The following DAPK2 variants were observed in gnomAD, a reference collection of about 807,000 sequenced individuals.
DAPK2 encodes death-associated protein kinase 2.
In DAPK2, 35 loss-of-function variants were observed where a neutral mutation model predicts 44.1. The ratio of observed to expected loss-of-function variants is 0.79; its 90% CI spans 0.61 to 1.05. DAPK2 has a LOEUF of 1.05. DAPK2 is among the 50% of genes least tolerant of loss of function. DAPK2 has a pLI of 0.00. For missense variants in DAPK2, 453 were observed against 483.2 expected, an observed-to-expected ratio of 0.94 and a Z score of 0.59; for synonymous variants, 174 against 182.6, an observed-to-expected ratio of 0.95 and a Z score of 0.38.
At chr15:63,967,187 T>A (rs1239820417) in intron 3 of DAPK2, among the ~76,000 whole-genome samples, 1 of 151,196 alleles carries the variant, frequency 6.6e-6, no homozygotes, top group Non-Finnish European at 1.5e-5. Context: ...CTCAAAAAAA[T>A]AAATAAATAA....
chr15:63,950,892 A>T (rs957334115), intron 3 of DAPK2, among the ~76,000 whole-genome samples: 1 of 152,240 alleles, frequency 6.6e-6, no homozygotes, highest in African/African-American at 2.4e-5. Flanking sequence ...TTCCACACAC[A>T]TTTGAAGTAT....
At chr15:63,960,703 G>T (rs1322956066) in intron 3 of DAPK2, among the ~76,000 whole-genome samples, 1 of 152,212 alleles carries the variant, frequency 6.6e-6, no homozygotes, top group Non-Finnish European at 1.5e-5. Context: ...TGATTGCACT[G>T]TGGTCTGAGA....
In DAPK2 at chr15:64,020,403, A is replaced by C. The variant is rs2079649749; in HGVS notation, c.92+19767T>G. Among the ~76,000 whole-genome samples, 1 of 152,242 alleles carries C rather than the reference A, an allele frequency of 6.6e-6. No individual in the cohort carries two copies. The highest frequency in any genetic ancestry group is 2.4e-5 in the African/African-American group (1 of 41,468). On this transcript the variant is annotated intron_variant, in intron 1 of 10. Transcript: ENST00000261891. The surrounding 1 kb of genome is among the most constrained non-coding windows in gnomAD (Gnocchi z 4.5). ...CTTGCTCTGAAATGGTCAATTTCAC[A>C]GGGGTCTTCCCCAAGAGTGGCATGT...
exon 2 of DAPK2, chr15:63,983,616 G>T: frequency 1.2e-6 from 2 of 1,614,184 alleles, no homozygotes; most frequent in South Asian, 1.1e-5. Context: ...CCTGCCGCAG[G>T]ATGCTCACCT....
At chr15:63,967,352 C>T (rs2078083181) in intron 3 of DAPK2, among the ~76,000 whole-genome samples, 1 of 152,130 alleles carries the variant, frequency 6.6e-6, no homozygotes, top group Non-Finnish European at 1.5e-5. Flanking sequence ...TCATCTTGCT[C>T]TGTCTCCTGT....
At chr15:63,988,242 C>T (rs1266007895) in intron 1 of DAPK2, among the ~76,000 whole-genome samples, 1 of 152,124 alleles carries the variant, frequency 6.6e-6, no homozygotes, top group African/African-American at 2.4e-5. Flanking sequence ...CCAAACTTGT[C>T]AGGCCCCCAG....
At position 63,966,735 on chromosome 15, in the gene DAPK2, C is replaced by G. The variant is rs1430620782; in HGVS notation, c.453+4688G>C. Among the ~76,000 whole-genome samples, 2 of 152,122 alleles carry G rather than the reference C, an allele frequency of 1.3e-5. No homozygotes were observed. The highest frequency in any genetic ancestry group is 4.8e-5 in the African/African-American group (2 of 41,412). Reference sequence around the variant, plus strand: ...AGCACTGAGTTTCAATGCAAAGTCCCACAATTGCTGCACTCTCCCTCCCCC... The same window carrying G: ...AGCACTGAGTTTCAATGCAAAGTCCGACAATTGCTGCACTCTCCCTCCCCC... On this transcript the variant is annotated intron_variant, in intron 3 of 10. Coordinates refer to ENST00000261891, the Ensembl canonical transcript of DAPK2. The surrounding 1 kb of genome is among the most constrained non-coding windows in gnomAD (Gnocchi z 5.5).
chr15:63,933,400 C>G (rs1308239919), intron 4 of DAPK2, among the ~76,000 whole-genome samples: 1 of 151,894 alleles, frequency 6.6e-6, no homozygotes, highest in African/African-American at 2.4e-5. Context: ...CACGCCACCA[C>G]AACAAGCTAA....
intron 1 of DAPK2, among the ~76,000 whole-genome samples, chr15:64,024,506 C>G (rs958910098): frequency 2.0e-5 from 3 of 152,180 alleles, no homozygotes; most frequent in African/African-American, 7.2e-5. Context: ...GGTATTTCAA[C>G]AACCCCATGA....
chr15:63,919,028 T>C (rs1164265498), intron 8 of DAPK2: 2 of 152,214 alleles, frequency 1.3e-5, no homozygotes, highest in African/African-American at 2.4e-5. Flanking sequence ...TGAGGGCGTG[T>C]GGGGAGCAGA....
intron 4 of DAPK2, among the ~76,000 whole-genome samples, chr15:63,933,417 ATTTT>A (rs1285117088): frequency 4.0e-5 from 6 of 151,702 alleles, no homozygotes; most frequent in Non-Finnish European, 5.9e-5. Context: ...CTAATTTTAT[ATTTT>A]TAGTAGAGAC....
At chr15:63,998,801 T>G (rs2079014095) in intron 1 of DAPK2, among the ~76,000 whole-genome samples, 1 of 152,224 alleles carries the variant, frequency 6.6e-6, no homozygotes, top group African/African-American at 2.4e-5. Context: ...GGGACAGTGC[T>G]GCTTGTTCAC....
At chr15:64,016,785 G>T (rs2079537198) in intron 1 of DAPK2, among the ~76,000 whole-genome samples, 1 of 148,564 alleles carries the variant, frequency 6.7e-6, no homozygotes, top group South Asian at 2.3e-4. Context: ...AGAGAAGAAA[G>T]AAAGGAGGAA....
chr15:63,926,085 C>T (rs756347717), exon 7 of DAPK2: 2 of 1,608,510 alleles, frequency 1.2e-6, no homozygotes, highest in South Asian at 1.1e-5. Context: ...AGGGGATGCT[C>T]CACTTAAGCT....
At chr15:64,000,711 C>G (rs1286352061) in intron 1 of DAPK2, among the ~76,000 whole-genome samples, 3 of 152,092 alleles carry the variant, frequency 2.0e-5, no homozygotes, top group Non-Finnish European at 4.4e-5. Context: ...ATCAAGATGG[C>G]TGCACAGTAG....
At chr15:64,036,273 A>ATGTGTG (rs1214937871) in intron 1 of DAPK2, among the ~76,000 whole-genome samples, 3 of 44,004 alleles carry the variant, frequency 6.8e-5, no homozygotes, top group African/African-American at 1.6e-4. Flanking sequence ...ATATATATAT[A>ATGTGTG]TGTGTGTGTG....
At chr15:63,995,203 A>G (rs1231822015) in intron 1 of DAPK2, among the ~76,000 whole-genome samples, 1 of 151,890 alleles carries the variant, frequency 6.6e-6, no homozygotes, top group African/African-American at 2.4e-5. Context: ...TCTTTTTGAG[A>G]CAGGGTCTCA....
intron 1 of DAPK2, among the ~76,000 whole-genome samples, chr15:64,018,861 T>G (rs188821130): frequency 2.0e-5 from 3 of 152,208 alleles, no homozygotes; most frequent in Non-Finnish European, 2.9e-5. Flanking sequence ...CCTAGCATGG[T>G]AGAAAGAGCA....
intron 2 of DAPK2, 110 bp from the exon 4 acceptor site, chr15:63,971,671 A>C (rs2078217568): frequency 8.5e-7 from 1 of 1,179,006 alleles, no homozygotes; most frequent in African/African-American, 1.5e-5. Context: ...GGGACCTTGT[A>C]TGGCAGAATC....
Sources: gnomAD v4.1 joint callset for allele counts (sites outside exome capture counted in the v4.1 genomes callset) on GRCh38, gnomAD v4.1.1 for gene constraint, Gnocchi (gnomAD v3.1) non-coding constraint, MANE v1.5 for transcripts, NCBI Gene and HGNC (gene_info 2026-07-23, HGNC 2026-07-21) for gene names.